Variants in DCAF7 observed in about 807,000 individuals in gnomAD.
DCAF7 encodes DDB1 and CUL4 associated factor 7.
DCAF7 carries 4 observed loss-of-function variants against 41.2 expected under a neutral mutation model. That is an observed-to-expected ratio of 0.10 (90% confidence interval 0.05 to 0.22). The LOEUF (loss-of-function observed/expected upper bound fraction) is 0.22. DCAF7 is among the 10% of genes least tolerant of loss of function. DCAF7 has a pLI of 1.00. For synonymous variants in DCAF7, 143 were observed against 164.2 expected (o/e 0.87, Z 0.99); for missense variants, 131 against 443.2 (o/e 0.30, Z 6.32).
intron 1 of DCAF7, among the ~76,000 whole-genome samples, chr17:63,567,872 G>A (rs1598030052): frequency 1.3e-5 from 2 of 152,028 alleles, no homozygotes; most frequent in South Asian, 4.2e-4. Context: ...ATGTTGCCCA[G>A]GCTGGTCTCA....
intron 1 of DCAF7, among the ~76,000 whole-genome samples, chr17:63,560,935 A>G (rs983195798): frequency 1.3e-5 from 2 of 152,258 alleles, no homozygotes; most frequent in African/African-American, 4.8e-5. Context: ...AATATTTTAC[A>G]TGTTAAACAT....
chr17:63,569,437 G>C (rs1002620380), intron 1 of DCAF7, among the ~76,000 whole-genome samples: 2 of 151,754 alleles, frequency 1.3e-5, no homozygotes, highest in Non-Finnish European at 2.9e-5. Context: ...ACCTTCAGAG[G>C]GTGGGGACCA....
chr17:63,575,210 A>G (rs577379622), intron 1 of DCAF7, among the ~76,000 whole-genome samples: 1 of 152,354 alleles, frequency 6.6e-6, no homozygotes, highest in South Asian at 2.1e-4. Context: ...GCACGCCTAT[A>G]ATTCCAGCAA....
In DCAF7 at chr17:63,550,830, G is replaced by T; in HGVS notation, c.138+15G>T. 6.2e-7 allele frequency: 1 copy of T among 1,611,492 alleles called. No individual in the cohort carries two copies. The highest frequency in any genetic ancestry group is 8.5e-7 in the Non-Finnish European group (1 of 1,178,610). On this transcript the variant is annotated intron_variant, in intron 1 of 6. Transcript: ENST00000614556. This position sits in a 1 kb window ranked among gnomAD's most constrained non-coding sequence, Gnocchi z 4.8. ...ACAACAACAAGGTGGGCCGGGCAGG[G>T]GCTCGGAACCCAGCTGGCGGGGAGC...
At position 63,550,881 on chromosome 17, in the gene DCAF7, C is replaced by T. The variant is rs939312948; in HGVS notation, c.138+66C>T. Reference sequence around the variant, plus strand: ...GGGCCCCGGGAGCGCCCTTTCCGGGCCGGAGCCCAGGCCTCAGAACCCTCT... The same window carrying T: ...GGGCCCCGGGAGCGCCCTTTCCGGGTCGGAGCCCAGGCCTCAGAACCCTCT... On this transcript the variant is annotated intron_variant, in intron 1 of 6. Coordinates refer to ENST00000614556, the MANE Select transcript of DCAF7 (RefSeq NM_005828.5). This position sits in a 1 kb window ranked among gnomAD's most constrained non-coding sequence, Gnocchi z 4.8. 1.9e-5 allele frequency: 29 copies of T among 1,566,320 alleles called. No homozygotes were observed. Among genetic ancestry groups the T allele is most frequent in the Non-Finnish European group, 2.3e-5 (27 of 1,157,482 alleles).
At chr17:63,587,536 C>G (rs138888053) in intron 6 of DCAF7, among the ~76,000 whole-genome samples, 1 of 152,014 alleles carries the variant, frequency 6.6e-6, no homozygotes, top group African/African-American at 2.4e-5. Context: ...CAAGTGTGCT[C>G]GGTTGAGCAT....
intron 1 of DCAF7, among the ~76,000 whole-genome samples, chr17:63,560,106 A>G (rs189372301): frequency 2.4e-3 from 359 of 152,296 alleles, no homozygotes; most frequent in African/African-American, 8.4e-3. Context: ...AAGGATATGT[A>G]AATGATTCTT....
In DCAF7 at chr17:63,593,740, C is replaced by T. The variant is rs866723833; in HGVS notation, c.*4568C>T. On this transcript the variant is annotated 3_prime_UTR_variant, in exon 7 of 7. Coordinates refer to ENST00000614556, the MANE Select transcript of DCAF7 (RefSeq NM_005828.5). The stretch of plus-strand genomic sequence containing the variant: ...TTGGTTCCTGTGTATTTTACTACCC[C>T]TCTTGTCAGTGACCTTCCTTCCCCA... 2 of 152,626 alleles carry T rather than the reference C, an allele frequency of 1.3e-5. No homozygotes were observed. The highest frequency in any genetic ancestry group is 2.9e-5 in the Non-Finnish European group (2 of 68,044). The allele number at this position is 152,626 out of a possible 1,614,324, so 9.5% of individuals were successfully genotyped here. A position where few individuals can be genotyped will look rare whatever the true frequency, so the allele number is the denominator to read the frequency against.
intron 5 of DCAF7, among the ~76,000 whole-genome samples, chr17:63,584,118 G>T (rs1263392925): frequency 6.6e-6 from 1 of 152,200 alleles, no homozygotes; most frequent in African/African-American, 2.4e-5. Context: ...TGAAAAAGCA[G>T]ATTTTCCCTT....
chr17:63,589,036 A>G lies in DCAF7; in HGVS notation c.893A>G (p.Gln298Arg). Residue 298 changes from glutamine to arginine, a missense_variant, in exon 7 of 7, where the codon CAA becomes CGA. Gln to Arg is a conservative substitution (Grantham distance 43). Coordinates refer to ENST00000614556, the MANE Select transcript of DCAF7 (RefSeq NM_005828.5). ...DHQALIWDIQQMPRAIEDPIL... is the reference protein window; with the variant it reads ...DHQALIWDIQRMPRAIEDPIL... ...CAGGCTCTCATCTGGGACATCCAGC[A>G]AATGCCCCGAGCCATTGAGGACCCT... 6.2e-7 allele frequency: 1 copy of G among 1,613,702 alleles called. No homozygotes were observed. The highest frequency in any genetic ancestry group is 8.5e-7 in the Non-Finnish European group (1 of 1,179,750).
chr17:63,574,204 C>T (rs1939356674), intron 1 of DCAF7, among the ~76,000 whole-genome samples: 1 of 152,166 alleles, frequency 6.6e-6, no homozygotes. Flanking sequence ...CTACCCAGAT[C>T]CTTCCTATTC....
intron 1 of DCAF7, among the ~76,000 whole-genome samples, chr17:63,551,872 C>A (rs1311037871): frequency 3.6e-5 from 4 of 109,786 alleles, no homozygotes; most frequent in African/African-American, 1.0e-4. Flanking sequence ...CACGGTGAAA[C>A]CCCGTCTCTA....
chr17:63,558,619 C>A (rs559103147), intron 1 of DCAF7, among the ~76,000 whole-genome samples: 1 of 152,244 alleles, frequency 6.6e-6, no homozygotes, highest in South Asian at 2.1e-4. Flanking sequence ...CTCACTGTAA[C>A]CTCAAACTCC....
In DCAF7 at chr17:63,583,628, C is replaced by T; in HGVS notation, c.655C>T (p.Pro219Ser). ...ACACAGCACCATCATTTACGAAGACCCACAGCATCACCCACTGCTTCGCCT... is the reference window on the plus strand; with the variant it reads ...ACACAGCACCATCATTTACGAAGACTCACAGCATCACCCACTGCTTCGCCT... ...LEHSTIIYED[P>S]QHHPLLRLCW... Residue 219 changes from proline (P) to serine (S), a missense_variant, in exon 5 of 7, where the codon CCA becomes TCA. Coordinates refer to ENST00000614556, the MANE Select transcript of DCAF7 (RefSeq NM_005828.5). 6.2e-7 allele frequency: 1 copy of T among 1,612,730 alleles called. No individual in the cohort carries two copies. Among genetic ancestry groups the T allele is most frequent in the Non-Finnish European group, 8.5e-7 (1 of 1,178,926 alleles).
intron 1 of DCAF7, among the ~76,000 whole-genome samples, chr17:63,575,968 A>T (rs1328941952): frequency 6.6e-6 from 1 of 152,248 alleles, no homozygotes; most frequent in Non-Finnish European, 1.5e-5. Flanking sequence ...AAGCTACTAT[A>T]ATCAAGACAG....
intron 1 of DCAF7, 77 bp from the exon 2 acceptor site, chr17:63,578,393 T>G (rs772320094): frequency 1.6e-5 from 26 of 1,582,596 alleles, no homozygotes; most frequent in Non-Finnish European, 2.2e-5. Context: ...AAAAAACCTC[T>G]GTCACTGACC....
rs77353318 is a variant in DCAF7, at chr17:63,582,356, C to T, written c.529-1146C>T. The stretch of plus-strand genomic sequence containing the variant: ...ATTTAGTGAGAAATTCTAGTCGTGT[C>T]TCCCCAGAAGTCAGCTGTTATTATC... On this transcript the variant is annotated intron_variant, in intron 4 of 6. Coordinates refer to ENST00000614556, the MANE Select transcript of DCAF7 (RefSeq NM_005828.5). 8.7e-3 allele frequency among the ~76,000 whole-genome samples: 1,324 copies of T among 152,278 alleles called. 18 individuals are homozygous for T. The highest frequency in any genetic ancestry group is 0.031 in the Middle Eastern group (9 of 294).
intron 4 of DCAF7, among the ~76,000 whole-genome samples, chr17:63,583,178 G>C (rs768493607): frequency 6.6e-6 from 1 of 152,204 alleles, no homozygotes; most frequent in Non-Finnish European, 1.5e-5. Flanking sequence ...TCTCATTCTT[G>C]TTGTGTGGCA....
intron 1 of DCAF7, among the ~76,000 whole-genome samples, chr17:63,561,593 C>T (rs2033381137): frequency 6.6e-6 from 1 of 152,064 alleles, no homozygotes; most frequent in African/African-American, 2.4e-5. Context: ...TGGCACCATG[C>T]CTGTGGTTTC....
Sources: gnomAD v4.1 joint callset for allele counts (sites outside exome capture counted in the v4.1 genomes callset) on GRCh38, gnomAD v4.1.1 for gene constraint, Gnocchi (gnomAD v3.1) non-coding constraint, MANE v1.5 for transcripts, NCBI Gene and HGNC (gene_info 2026-07-23, HGNC 2026-07-21) for gene names.